The following USP15 variants were observed in gnomAD, a reference collection of about 807,000 sequenced individuals.
USP15 encodes the protein ubiquitin carboxyl-terminal hydrolase 15.
A neutral mutation model predicts 127.1 loss-of-function variants in USP15; 18 were observed. The observed-to-expected ratio is 0.14, with a 90% confidence interval of 0.10 to 0.21. The LOEUF (loss-of-function observed/expected upper bound fraction) is 0.21. Among genes scored for constraint, USP15 ranks in the 10% least tolerant of loss-of-function variants. The pLI is 1.00. For missense variants in USP15, 805 were observed against 1,159.9 expected, an observed-to-expected ratio of 0.69 and a Z score of 4.44; for synonymous variants, 364 against 393.7, an observed-to-expected ratio of 0.92 and a Z score of 0.89.
chr12:62,320,420 G>A (rs1247087135), intron 4 of USP15, among the ~76,000 whole-genome samples: 2 of 152,182 alleles, frequency 1.3e-5, no homozygotes, highest in Admixed American at 6.5e-5. Flanking sequence ...CCATGGAACT[G>A]TAAGTCAATT....
intron 9 of USP15, among the ~76,000 whole-genome samples, chr12:62,383,633 T>TTC (rs1267301458): frequency 3.3e-5 from 5 of 151,952 alleles, no homozygotes; most frequent in African/African-American, 1.2e-4. Context: ...CCCCAGCTGG[T>TTC]AACATGCATA....
At chr12:62,260,932 G>C (rs1053669254) in intron 1 of USP15, among the ~76,000 whole-genome samples, 1 of 152,072 alleles carries the variant, frequency 6.6e-6, no homozygotes, top group African/African-American at 2.4e-5. Context: ...TCCTAGAATT[G>C]TCGGCGTCCA....
At chr12:62,293,754 T>A (rs2064045998) in intron 1 of USP15, among the ~76,000 whole-genome samples, 1 of 152,184 alleles carries the variant, frequency 6.6e-6, no homozygotes. Flanking sequence ...TAATTAACCT[T>A]GCAACCCTTG....
intron 21 of USP15, among the ~76,000 whole-genome samples, chr12:62,402,803 T>TA: frequency 6.6e-6 from 1 of 152,194 alleles, no homozygotes; most frequent in East Asian, 1.9e-4. Flanking sequence ...GTTTGTATCT[T>TA]AACATTTCTC....
chr12:62,361,051 A>T (rs1302428595), intron 8 of USP15, among the ~76,000 whole-genome samples: 1 of 151,976 alleles, frequency 6.6e-6, no homozygotes, highest in African/African-American at 2.4e-5. Flanking sequence ...TTCCCTTTGG[A>T]CTAGAATAGC....
At chr12:62,326,062 A>G in intron 6 of USP15, 129 bp downstream of exon 6, 1 of 744,368 alleles carries the variant, frequency 1.3e-6, no homozygotes, top group Non-Finnish European at 2.1e-6. Context: ...ATATTTGAGT[A>G]TTTTGTTCTT....
At chr12:62,348,767 A>C (rs577324327) in intron 6 of USP15, among the ~76,000 whole-genome samples, 2 of 152,008 alleles carry the variant, frequency 1.3e-5, no homozygotes, top group Admixed American at 1.3e-4. Context: ...TATTTTATCT[A>C]TTTTGTCCCC....
chr12:62,388,466 G>C (rs1013701810), intron 11 of USP15, among the ~76,000 whole-genome samples: 3 of 152,160 alleles, frequency 2.0e-5, no homozygotes, highest in African/African-American at 7.2e-5. Context: ...TGAGATAAAT[G>C]AGAGAATAAC....
Position 62,390,927 on chromosome 12 carries a change from C to T in USP15, c.1908C>T (p.Asp636=), listed in dbSNP as rs2067307248. The change falls in exon 15 of 22, where the codon GAC becomes GAT. Residue 636 remains aspartate, a synonymous_variant. Coordinates refer to ENST00000280377, the MANE Select transcript of USP15 (RefSeq NM_001252078.2). ...ETEGSLHCCK[D]QNINGNGPNG... ...AAGGATCCCTACACTGCTGTAAGGA[C>T]CAAAATATTAATGGGAATGGCCCAA... is the stretch of plus-strand genomic sequence containing the variant. The T allele has an allele frequency of 1.2e-6, 2 of 1,612,696 alleles. No homozygotes were observed. The highest frequency in any genetic ancestry group is 1.7e-6 in the Non-Finnish European group (2 of 1,179,282).
chr12:62,324,487 A>G (rs1592589057), intron 5 of USP15, among the ~76,000 whole-genome samples: 1 of 151,988 alleles, frequency 6.6e-6, no homozygotes, highest in Non-Finnish European at 1.5e-5. Flanking sequence ...AAAGCAAAAC[A>G]TTCTGGAGAA....
At chr12:62,376,386 G>A (rs2066829867) in intron 8 of USP15, among the ~76,000 whole-genome samples, 1 of 151,916 alleles carries the variant, frequency 6.6e-6, no homozygotes. Context: ...CCAACAGTAG[G>A]TACCATTATG....
chr12:62,386,375 A>G (rs921576203), intron 11 of USP15, among the ~76,000 whole-genome samples: 16 of 151,940 alleles, frequency 1.1e-4, no homozygotes, highest in African/African-American at 3.6e-4. Context: ...ATTATATCTT[A>G]GGCTCTTATG....
chr12:62,392,005 TA>T, intron 17 of USP15, 119 bp downstream of exon 17: 1 of 1,091,684 alleles, frequency 9.2e-7, no homozygotes, highest in South Asian at 1.8e-5. Flanking sequence ...ATTTTGCCAG[TA>T]AAAAATTGGT....
rs1275290495 is a variant in USP15 at position 62,325,932 on chromosome 12, A to G, written c.682A>G (p.Lys228Glu). The part of the protein sequence containing the change: ...GTWPRGPSTP[K>E]SPGASNFSTL... ...ATGGCCAAGGGGTCCTTCTACTCCTAAGTAAGTGCTCCCACTTCTTATGGC... is the reference window on the plus strand; with the variant it reads ...ATGGCCAAGGGGTCCTTCTACTCCTGAGTAAGTGCTCCCACTTCTTATGGC... Residue 228 changes from lysine to glutamate, a missense_variant and splice_region_variant, in exon 6 of 22, where the codon AAG becomes GAG. Coordinates refer to ENST00000280377, the MANE Select transcript of USP15 (RefSeq NM_001252078.2). The G allele has an allele frequency of 2.5e-6, 4 of 1,608,926 alleles. No individual in the cohort carries two copies. The highest frequency in any genetic ancestry group is 1.7e-5 in the Admixed American group (1 of 59,356).
intron 4 of USP15, 96 bp downstream of exon 4, chr12:62,315,012 G>A: frequency 1.7e-6 from 2 of 1,199,144 alleles, no homozygotes; most frequent in Middle Eastern, 2.8e-4. Context: ...ACCATTTTAA[G>A]GATTTATATA....
At chr12:62,319,954 T>C (rs1203867283) in intron 4 of USP15, among the ~76,000 whole-genome samples, 1 of 152,210 alleles carries the variant, frequency 6.6e-6, no homozygotes, top group Admixed American at 6.5e-5. Flanking sequence ...TTATCCTCTT[T>C]CTAGGTAATG....
At chr12:62,267,079 G>A (rs1298378500) in intron 1 of USP15, 1 of 151,932 alleles carries the variant, frequency 6.6e-6, no homozygotes, top group East Asian at 1.9e-4. Flanking sequence ...TTTTTTCTTA[G>A]TCCTTGTATA....
intron 1 of USP15, among the ~76,000 whole-genome samples, chr12:62,269,205 C>A (rs1027917459): frequency 6.6e-5 from 10 of 152,016 alleles, no homozygotes; most frequent in Non-Finnish European, 1.0e-4. Flanking sequence ...TTACACAAAT[C>A]TAGATGGGAT....
At chr12:62,335,436 C>A in intron 6 of USP15, 1 of 1,372,306 alleles carries the variant, frequency 7.3e-7, no homozygotes, top group Non-Finnish European at 9.4e-7. Flanking sequence ...CCACATCCAT[C>A]CTTAGCTCTC....
Sources: allele counts gnomAD v4.1 joint callset (sites outside exome capture counted in the v4.1 genomes callset), GRCh38; gene constraint gnomAD v4.1.1; transcripts MANE v1.5; gene names NCBI Gene and HGNC (gene_info 2026-07-23, HGNC 2026-07-21).